GRIN3A: variants seen among roughly 807,000 people sequenced by gnomAD.
GRIN3A encodes glutamate receptor ionotropic, NMDA 3A.
In GRIN3A, 47 loss-of-function variants were observed where a neutral mutation model predicts 92.4. The ratio of observed to expected loss-of-function variants is 0.51; its 90% CI spans 0.40 to 0.65. The LOEUF (loss-of-function observed/expected upper bound fraction) is 0.65, where lower values mean the gene tolerates loss of function less well. GRIN3A is among the 30% of genes least tolerant of loss of function. GRIN3A has a pLI of 0.00. For missense variants in GRIN3A, 1,324 were observed against 1,393.1 expected, an observed-to-expected ratio of 0.95 and a Z score of 0.79; for synonymous variants, 527 against 540.6, an observed-to-expected ratio of 0.97 and a Z score of 0.35.
chr9:101,588,744 T>C (rs1827981543), intron 6 of GRIN3A, among the ~76,000 whole-genome samples: 1 of 152,034 alleles, frequency 6.6e-6, no homozygotes, highest in Admixed American at 6.6e-5. Flanking sequence ...AAGTTTGCAT[T>C]ATGCTTTTAA....
chr9:101,737,141 T>C, intron 1 of GRIN3A, 140 bp downstream of exon 1: 1 of 720,034 alleles, frequency 1.4e-6, no homozygotes, highest in Non-Finnish European at 2.5e-6. Context: ...CCTACGAACA[T>C]GGCCCAATCG....
chr9:101,706,800 C>T (rs1413283420), intron 1 of GRIN3A, among the ~76,000 whole-genome samples: 2 of 152,178 alleles, frequency 1.3e-5, no homozygotes, highest in Non-Finnish European at 2.9e-5. Context: ...TTCTTCACCC[C>T]AGCCCTTACC....
At position 101,622,754 on chromosome 9, in the gene GRIN3A, T is replaced by C. The variant is rs1372932101; in HGVS notation, c.2614+564A>G. On this transcript the variant is annotated intron_variant, in intron 5 of 8. Transcript: ENST00000361820. ...TCTAATTGTACAATTATGAAAATGT[T>C]ATGTAATGTCCCTGGGCTTTCTTGT... 3.9e-5 allele frequency among the ~76,000 whole-genome samples: 6 copies of C among 152,212 alleles called. No individual in the cohort carries two copies. The East Asian group carries it at 1.2e-3, about 29-fold the overall frequency.
At chr9:101,650,031 C>A (rs1828993650) in intron 3 of GRIN3A, among the ~76,000 whole-genome samples, 1 of 152,022 alleles carries the variant, frequency 6.6e-6, no homozygotes, top group Non-Finnish European at 1.5e-5. Flanking sequence ...GATGTGCAAA[C>A]CACGAACAGA....
At chr9:101,600,050 A>G (rs1284964610) in intron 6 of GRIN3A, among the ~76,000 whole-genome samples, 1 of 152,162 alleles carries the variant, frequency 6.6e-6, no homozygotes, top group Non-Finnish European at 1.5e-5. Flanking sequence ...TTTTAAATCA[A>G]AGTTTTGCTA....
chr9:101,677,426 A>G (rs923287543), intron 2 of GRIN3A, among the ~76,000 whole-genome samples: 4 of 151,144 alleles, frequency 2.6e-5, no homozygotes, highest in African/African-American at 9.7e-5. Flanking sequence ...TGGTTTTTGT[A>G]TAGCAGAAAT....
chr9:101,599,096 T>C (rs1828178219), intron 6 of GRIN3A, among the ~76,000 whole-genome samples: 1 of 152,198 alleles, frequency 6.6e-6, no homozygotes, highest in South Asian at 2.1e-4. Flanking sequence ...TTATTAGCTG[T>C]GAGCCTTTGA....
intron 3 of GRIN3A, among the ~76,000 whole-genome samples, chr9:101,632,034 C>A (rs530643184): frequency 6.6e-6 from 1 of 152,172 alleles, no homozygotes; most frequent in Non-Finnish European, 1.5e-5. Flanking sequence ...ATGTTTGGCT[C>A]CTGCCTTCCT....
chr9:101,624,990 G>T (rs1423864875), intron 4 of GRIN3A, among the ~76,000 whole-genome samples: 21 of 152,148 alleles, frequency 1.4e-4, no homozygotes, highest in Non-Finnish European at 3.1e-4. Flanking sequence ...ATGAAGAAAT[G>T]CAGGATGCTG....
At chr9:101,615,457 C>T (rs1312267995) in intron 5 of GRIN3A, among the ~76,000 whole-genome samples, 1 of 148,372 alleles carries the variant, frequency 6.7e-6, no homozygotes, top group African/African-American at 2.5e-5. Flanking sequence ...CCTGGGTTCA[C>T]GCCATTCTCC....
At chr9:101,641,803 AC>A (rs1482195575) in intron 3 of GRIN3A, among the ~76,000 whole-genome samples, 2 of 151,734 alleles carry the variant, frequency 1.3e-5, no homozygotes, top group African/African-American at 4.8e-5. Flanking sequence ...AAAAAAAAAA[AC>A]GAAATGCAAT....
At chr9:101,679,252 T>C (rs1345855538) in intron 2 of GRIN3A, among the ~76,000 whole-genome samples, 1 of 152,142 alleles carries the variant, frequency 6.6e-6, no homozygotes, top group East Asian at 1.9e-4. Flanking sequence ...TTGGCAGATT[T>C]CCAGATTTTA....
Position 101,573,436 on chromosome 9 carries a change from A to T in GRIN3A, c.3086T>A (p.Phe1029Tyr). Reference protein sequence around the residue: ...LSHDNRRKYIFSDEEGQNQLG... With the variant: ...LSHDNRRKYIYSDEEGQNQLG... The stretch of plus-strand genomic sequence containing the variant: ...CTGGTTTTGTCCTTCCTCATCACTA[A>T]AGATGTATTTCCGTCGGTTGTCATG... Residue 1029 changes from phenylalanine (F) to tyrosine (Y), a missense_variant, in exon 9 of 9, where the codon TTT becomes TAT. Physicochemically the swap from Phe to Tyr is conservative, Grantham distance 22. Coordinates refer to ENST00000361820, the MANE Select transcript of GRIN3A (RefSeq NM_133445.3). 1 of 1,613,934 alleles carries T rather than the reference A, an allele frequency of 6.2e-7. No individual in the cohort carries two copies. Among genetic ancestry groups the T allele is most frequent in the South Asian group, 1.1e-5 (1 of 91,074 alleles).
chr9:101,583,466 A>G (rs1236545659), intron 6 of GRIN3A, among the ~76,000 whole-genome samples: 1 of 152,172 alleles, frequency 6.6e-6, no homozygotes, highest in Admixed American at 6.5e-5. Context: ...GCATATGTGC[A>G]TCTTCCCCAT....
chr9:101,712,261 T>C (rs951920459), intron 1 of GRIN3A, among the ~76,000 whole-genome samples: 5 of 152,194 alleles, frequency 3.3e-5, no homozygotes, highest in African/African-American at 1.2e-4. Flanking sequence ...ACTTACTATC[T>C]GATGGTTTAA....
intron 5 of GRIN3A, among the ~76,000 whole-genome samples, chr9:101,617,122 C>T (rs540231791): frequency 1.5e-3 from 215 of 148,146 alleles, no homozygotes; most frequent in Non-Finnish European, 2.4e-3. Context: ...ATGGCGTGAA[C>T]CCGGGAAGCG....
intron 1 of GRIN3A, among the ~76,000 whole-genome samples, chr9:101,689,627 G>T (rs1390106430): frequency 2.0e-5 from 3 of 152,048 alleles, no homozygotes; most frequent in African/African-American, 7.2e-5. Flanking sequence ...TAGTTTAGAA[G>T]CATCTAATGA....
intron 3 of GRIN3A, among the ~76,000 whole-genome samples, chr9:101,630,319 A>G (rs1043036792): frequency 6.6e-6 from 1 of 152,186 alleles, no homozygotes; most frequent in Non-Finnish European, 1.5e-5. Flanking sequence ...TACCCAAAAC[A>G]ACAACAATAG....
chr9:101,690,378 G>T (rs922546799), intron 1 of GRIN3A, among the ~76,000 whole-genome samples: 2 of 152,062 alleles, frequency 1.3e-5, no homozygotes, highest in African/African-American at 4.8e-5. Context: ...CATTAATTTT[G>T]CAGGTTTTGT....
Sources: allele counts gnomAD v4.1 joint callset (sites outside exome capture counted in the v4.1 genomes callset), GRCh38; gene constraint gnomAD v4.1.1; transcripts MANE v1.5; gene names NCBI Gene and HGNC (gene_info 2026-07-23, HGNC 2026-07-21).